Variants in IQGAP1 observed in about 807,000 individuals in gnomAD.
IQGAP1 encodes IQ motif containing GTPase activating protein 1, also known as ras GTPase-activating-like protein IQGAP1.
In IQGAP1, 66 loss-of-function variants were observed where a neutral mutation model predicts 215.6. The observed-to-expected ratio is 0.31, with a 90% CI of 0.25 to 0.38. The LOEUF (loss-of-function observed/expected upper bound fraction) is 0.38. IQGAP1 is among the 10% of genes least tolerant of loss of function. IQGAP1 has a pLI of 1.00. For missense variants in IQGAP1, 1,712 were observed against 1,997.1 expected (o/e 0.86, Z 2.72); for synonymous variants, 772 against 728.7 (o/e 1.06, Z -0.96).
Position 90,453,123 on chromosome 15 carries a change from T to C in IQGAP1, c.1327-9T>C. 3 of 1,605,044 alleles carry C rather than the reference T, an allele frequency of 1.9e-6. No individual in the cohort carries two copies. Among genetic ancestry groups the C allele is most frequent in the Non-Finnish European group, 2.6e-6 (3 of 1,176,294 alleles). On this transcript the variant is annotated splice_polypyrimidine_tract_variant and intron_variant, in intron 12 of 37. Coordinates refer to ENST00000268182, the MANE Select transcript of IQGAP1 (RefSeq NM_003870.4). Reference sequence around the variant, plus strand: ...CTCACTGTTTTCCCTTCTGTCCCTTTCTGTACAGCATAATCTCACCCACCC... The same window carrying C: ...CTCACTGTTTTCCCTTCTGTCCCTTCCTGTACAGCATAATCTCACCCACCC...
At chr15:90,457,878 G>T (rs1315853477) in intron 15 of IQGAP1, among the ~76,000 whole-genome samples, 2 of 152,170 alleles carry the variant, frequency 1.3e-5, no homozygotes, top group Admixed American at 6.5e-5. Context: ...TGTCATGAAG[G>T]TTTTTTGTGA....
At chr15:90,413,305 C>T (rs182282836) in intron 2 of IQGAP1, among the ~76,000 whole-genome samples, 18 of 151,968 alleles carry the variant, frequency 1.2e-4, no homozygotes, top group African/African-American at 1.7e-4. Context: ...GTCAGAGCCC[C>T]GGCATTGGAA....
At chr15:90,431,458 A>C (rs373773607) in intron 4 of IQGAP1, among the ~76,000 whole-genome samples, 15 of 152,244 alleles carry the variant, frequency 9.9e-5, no homozygotes, top group African/African-American at 2.9e-4. Flanking sequence ...CCAGTGGGCA[A>C]TGACAATAAC....
chr15:90,415,036 C>T (rs1217396384), intron 2 of IQGAP1, among the ~76,000 whole-genome samples: 2 of 152,124 alleles, frequency 1.3e-5, no homozygotes, highest in African/African-American at 2.4e-5. Context: ...TATATGGTGC[C>T]GGATTTTCTC....
chr15:90,483,125 A>G, intron 28 of IQGAP1: 2 of 441,726 alleles, frequency 4.5e-6, no homozygotes, highest in South Asian at 2.9e-5. Context: ...AACTACTGGC[A>G]GTAGTTTTCA....
chr15:90,437,750 A>C (rs1965390192), intron 5 of IQGAP1, among the ~76,000 whole-genome samples: 1 of 152,014 alleles, frequency 6.6e-6, no homozygotes, highest in South Asian at 2.1e-4. Flanking sequence ...ATGTTGCTCA[A>C]GCTGTTTTGA....
rs1484337186 is a variant in IQGAP1 at position 90,456,256 on chromosome 15, G to A, written c.1717G>A (p.Ala573Thr). 4 of 1,613,938 alleles carry A rather than the reference G, an allele frequency of 2.5e-6. No homozygotes were observed. The highest frequency in any genetic ancestry group is 3.4e-6 in the Non-Finnish European group (4 of 1,179,984). ...IPAAKLEGVLAEVAQHYQDTL... is the reference protein window; with the variant it reads ...IPAAKLEGVLTEVAQHYQDTL... The stretch of plus-strand genomic sequence containing the variant: ...TGCAGCTAAACTTGAGGGAGTCCTT[G>A]CAGAAGTGGCCCAGCATTACCAAGA... Residue 573 changes from alanine (A) to threonine (T), a missense_variant, in exon 15 of 38, where the codon GCA (alanine) becomes ACA (threonine). Ala to Thr is a moderately conservative substitution (Grantham distance 58). This residue lies in a region of IQGAP1 where 1,021 missense variants were observed against 1,074.2 expected (regional missense o/e 0.95). Coordinates refer to ENST00000268182, the MANE Select transcript of IQGAP1 (RefSeq NM_003870.4).
intron 2 of IQGAP1, among the ~76,000 whole-genome samples, chr15:90,423,111 A>C (rs1965171421): frequency 6.6e-6 from 1 of 152,182 alleles, no homozygotes; most frequent in South Asian, 2.1e-4. Flanking sequence ...GGGAAATCTC[A>C]TGTGAGCTGT....
chr15:90,413,501 C>T (rs1477517735), intron 2 of IQGAP1, among the ~76,000 whole-genome samples: 1 of 152,044 alleles, frequency 6.6e-6, no homozygotes, highest in Non-Finnish European at 1.5e-5. Flanking sequence ...GTAGTTTGGA[C>T]CATATTAGCC....
intron 2 of IQGAP1, among the ~76,000 whole-genome samples, chr15:90,423,627 GA>G (rs1567121377): frequency 6.6e-6 from 1 of 152,202 alleles, no homozygotes; most frequent in Non-Finnish European, 1.5e-5. Flanking sequence ...AGGTGACTTG[GA>G]AGGCAGCTTC....
At chr15:90,488,230 T>TAATA (rs76285758) in intron 33 of IQGAP1, among the ~76,000 whole-genome samples, 25,812 of 147,570 alleles carry the variant, frequency 0.17, 3,111 homozygotes, top group East Asian at 0.55. Flanking sequence ...CAAAAAATAA[T>TAATA]AATAAATAAA....
Position 90,483,550 on chromosome 15 carries a change from A to T in IQGAP1, c.3745A>T (p.Ser1249Cys). 6.2e-7 allele frequency: 1 copy of T among 1,613,982 alleles called. No homozygotes were observed. ...KMFLGDNAHL[S>C]IINEYLSQSY... ...GTTTCTGGGAGATAATGCCCACTTA[A>T]GCATCATTAATGAATATCTTTCCCA... The change falls in exon 29 of 38, where the codon AGC becomes TGC. Residue 1249 changes from serine to cysteine, a missense_variant. By Grantham distance (112) the Ser-to-Cys change is moderately radical. Around this residue, in one of 2 missense-constraint regions of IQGAP1, gnomAD observed 691 missense variants for 923.0 expected, o/e 0.75. Transcript: ENST00000268182.
chr15:90,429,005 A>G (rs1419878424), intron 3 of IQGAP1, among the ~76,000 whole-genome samples: 9 of 151,990 alleles, frequency 5.9e-5, no homozygotes, highest in Non-Finnish European at 1.3e-4. Flanking sequence ...GGTGTGCACC[A>G]CCACACCTGG....
chr15:90,443,867 C>T (rs1237858100), intron 9 of IQGAP1, among the ~76,000 whole-genome samples: 2 of 152,048 alleles, frequency 1.3e-5, no homozygotes, highest in Non-Finnish European at 2.9e-5. Context: ...AGTTCGAGAC[C>T]AGCCTAGCCA....
chr15:90,497,043 C>G (rs2066969258), intron 36 of IQGAP1, 189 bp from the exon 37 acceptor site: 1 of 479,878 alleles, frequency 2.1e-6, no homozygotes, highest in Non-Finnish European at 3.7e-6. Context: ...TTCCTCTCTC[C>G]AAGTCCCAGA....
At chr15:90,388,541 G>C (rs1964585371) in intron 1 of IQGAP1, 145 bp downstream of exon 1, 3 of 691,654 alleles carry the variant, frequency 4.3e-6, no homozygotes, top group Non-Finnish European at 4.3e-6. Flanking sequence ...GTGGGGCGGC[G>C]GGCGGCGGGC....
chr15:90,494,736 TGAAAG>T lies in IQGAP1; in HGVS notation c.4658_4662del (p.Gly1553GlufsTer16), dbSNP rs1364089511. 2 of 1,609,784 alleles carry T rather than the reference TGAAAG, an allele frequency of 1.2e-6. No homozygotes were observed. Among genetic ancestry groups the T allele is most frequent in the Admixed American group, 1.7e-5 (1 of 59,328 alleles). On this transcript the variant is annotated frameshift_variant, in exon 36 of 38. Coordinates refer to ENST00000268182, the MANE Select transcript of IQGAP1 (RefSeq NM_003870.4). LOFTEE classifies it high-confidence loss of function. ...AGAGTCTCCAAAAAGCCTAGGGAAA[TGAAAG>T]GAAAGAAAAGCAAAAAGATTTCTCT...
rs1966349744 is a variant in IQGAP1, at chr15:90,502,126, A to G, written c.*2018A>G. ...CCTTTGACCTTCTCCTCGACCAGCC[A>G]TCATGACATTTACCATGAATTTACT... On this transcript the variant is annotated 3_prime_UTR_variant, in exon 38 of 38. Coordinates refer to ENST00000268182, the MANE Select transcript of IQGAP1 (RefSeq NM_003870.4). 6.5e-6 allele frequency: 1 copy of G among 152,674 alleles called. No homozygotes were observed. The highest frequency in any genetic ancestry group is 2.4e-5 in the African/African-American group (1 of 41,462). 9.5% of individuals were successfully genotyped at this position (152,674 alleles called of 1,614,324 possible).
chr15:90,391,622 T>C (rs935300856), intron 2 of IQGAP1: 2 of 152,438 alleles, frequency 1.3e-5, no homozygotes, highest in African/African-American at 4.8e-5. Flanking sequence ...GTGCTGTTGG[T>C]GTAGGTCCAT....
Sources: allele counts gnomAD v4.1 joint callset (sites outside exome capture counted in the v4.1 genomes callset), GRCh38; gene constraint gnomAD v4.1.1; regional missense constraint gnomAD v4.1.1; transcripts MANE v1.5; gene names NCBI Gene and HGNC (gene_info 2026-07-23, HGNC 2026-07-21).